Variants in ERCC6 observed in about 807,000 individuals in gnomAD.
The protein encoded by ERCC6 is DNA excision repair protein ERCC-6.
A neutral mutation model predicts 158.7 loss-of-function variants in ERCC6; 116 were observed. That is an observed-to-expected ratio of 0.73 (90% CI 0.63 to 0.85). ERCC6 has a LOEUF of 0.85. Ranked by LOEUF, ERCC6 falls within the 40% of genes least tolerant of loss-of-function variation. The probability of loss-of-function intolerance (pLI) is 0.00; values close to 1 mark genes in which losing one functional copy is unlikely to be tolerated. For missense variants in ERCC6, 1,698 were observed against 1,799.4 expected, an observed-to-expected ratio of 0.94 and a Z score of 1.02; for synonymous variants, 678 against 659.3, an observed-to-expected ratio of 1.03 and a Z score of -0.43.
chr10:49,463,482 G>C (rs1850619586), intron 18 of ERCC6, among the ~76,000 whole-genome samples: 1 of 152,146 alleles, frequency 6.6e-6, no homozygotes, highest in Non-Finnish European at 1.5e-5. Context: ...CAGGATATAT[G>C]AAGTTTTTTT....
At chr10:49,495,042 C>T (rs1279202700) in intron 7 of ERCC6, among the ~76,000 whole-genome samples, 1 of 152,174 alleles carries the variant, frequency 6.6e-6, no homozygotes, top group African/African-American at 2.4e-5. Flanking sequence ...CTGTCTGCAT[C>T]TGCACTCCTC....
At chr10:49,506,288 C>T in intron 5 of ERCC6, 1 of 457,544 alleles carries the variant, frequency 2.2e-6, no homozygotes, top group Non-Finnish European at 3.9e-6. Context: ...CCTCTTCTGG[C>T]ATACCCTAAG....
rs1401286906 is a variant in ERCC6 at position 49,461,456 on chromosome 10, G to T, written c.3879C>A (p.Ala1293=). ...GACGAGAGAGCCTCAGTGCTTTCAG[G>T]GCATCCTGGGCCACTCGGTTGGCTT... The part of the protein sequence containing the change: ...EAEANRVAQD[A]LKALRLSRQR... The change falls in exon 19 of 21, where the codon GCC becomes GCA. Residue 1293 remains alanine (A), a synonymous_variant. Coordinates refer to ENST00000355832, the MANE Select transcript of ERCC6 (RefSeq NM_000124.4). 6.2e-7 allele frequency: 1 copy of T among 1,614,036 alleles called. No individual in the cohort carries two copies. Among genetic ancestry groups the T allele is most frequent in the African/African-American group, 1.3e-5 (1 of 74,918 alleles).
intron 3 of ERCC6, among the ~76,000 whole-genome samples, chr10:49,529,617 G>A (rs916609740): frequency 2.6e-5 from 4 of 152,180 alleles, no homozygotes; most frequent in African/African-American, 4.8e-5. Context: ...ATGGGGTAGT[G>A]CAGGTAACAG....
At chr10:49,515,109 C>T in intron 5 of ERCC6, 1 of 1,059,678 alleles carries the variant, frequency 9.4e-7, no homozygotes, top group East Asian at 3.4e-5. Context: ...AAGAAAACAT[C>T]TTTAACCCAT....
chr10:49,480,284 T>C (rs1316520436), intron 10 of ERCC6, among the ~76,000 whole-genome samples: 1 of 152,166 alleles, frequency 6.6e-6, no homozygotes, highest in East Asian at 1.9e-4. Flanking sequence ...CAGTCCTCAC[T>C]GCCCTGTACT....
rs4253164 is a variant in ERCC6, at chr10:49,483,113, T to G, written c.1992+233A>C. 0.061 allele frequency among the ~76,000 whole-genome samples: 9,358 copies of G among 152,240 alleles called. 379 individuals carry two copies. Among genetic ancestry groups the G allele is most frequent in the Non-Finnish European group, 0.093 (6,328 of 67,994 alleles). The stretch of plus-strand genomic sequence containing the variant: ...AGATTAGAGTTGGGTTTGGTTACAT[T>G]CTAACAACTGGCCCCTACAAGAGAC... On this transcript the variant is annotated intron_variant, in intron 9 of 20. Coordinates refer to ENST00000355832, the MANE Select transcript of ERCC6 (RefSeq NM_000124.4).
At chr10:49,473,878 C>T (rs1850827566) in intron 13 of ERCC6, 149 bp downstream of exon 13, 1 of 801,618 alleles carries the variant, frequency 1.2e-6, no homozygotes, top group Non-Finnish European at 2.1e-6. Flanking sequence ...AGAGAAAGAT[C>T]TAAACTCCCA....
intron 8 of ERCC6, among the ~76,000 whole-genome samples, chr10:49,488,687 T>A (rs1215670571): frequency 1.3e-5 from 2 of 152,138 alleles, no homozygotes; most frequent in Non-Finnish European, 2.9e-5. Flanking sequence ...CTAGCTTTTT[T>A]TAAAGCCACG....
At chr10:49,451,486 T>C (rs2132517318), downstream of ERCC6, among the ~76,000 whole-genome samples, 1 of 152,314 alleles carries the variant, frequency 6.6e-6, no homozygotes, top group South Asian at 2.1e-4. Context: ...ATTTTTATGA[T>C]GAAAGGGTGT....
chr10:49,454,380 GCT>G (rs1850454025), downstream of ERCC6, among the ~76,000 whole-genome samples: 1 of 152,170 alleles, frequency 6.6e-6, no homozygotes, highest in Non-Finnish European at 1.5e-5. Flanking sequence ...GGGAGACGGA[GCT>G]CTGTTTTCTT....
At chr10:49,500,388 T>A (rs1424913942) in intron 7 of ERCC6, 150 bp downstream of exon 7, 2 of 855,254 alleles carry the variant, frequency 2.3e-6, no homozygotes, top group South Asian at 1.5e-5. Context: ...TCTCGTAAAA[T>A]TTTTCCTTTG....
intron 5 of ERCC6, among the ~76,000 whole-genome samples, chr10:49,507,946 C>A (rs1851472354): frequency 1.8e-4 from 1 of 5,508 alleles, no homozygotes; most frequent in Admixed American, 4.0e-3. Context: ...TCCTGATACA[C>A]ATATCTGAAT....
chr10:49,486,547 G>GA (rs1851081716), intron 8 of ERCC6, among the ~76,000 whole-genome samples: 1 of 152,194 alleles, frequency 6.6e-6, no homozygotes, highest in African/African-American at 2.4e-5. Context: ...ATAACAGACT[G>GA]AGATGTACAG....
chr10:49,476,298 G>T lies in ERCC6; in HGVS notation c.2299C>A (p.Arg767Ser). 6.2e-7 allele frequency: 1 copy of T among 1,612,116 alleles called. No individual in the cohort carries two copies. Among genetic ancestry groups the T allele is most frequent in the South Asian group, 1.1e-5 (1 of 90,972 alleles). The part of the protein sequence containing the change: ...PDKNEQVLFC[R>S]LTDEQHKVYQ... ...ACTTTATGCTGCTCATCTGTAAGAC[G>T]GCAAAATAAGACCTACGGACGGGAA... is the stretch of plus-strand genomic sequence containing the variant. The change falls in exon 12 of 21, where the codon CGT (arginine) becomes AGT (serine). Residue 767 changes from arginine (R) to serine (S), a missense_variant. By Grantham distance (110) the Arg-to-Ser change is moderately radical (BLOSUM62 -1). Coordinates refer to ENST00000355832, the MANE Select transcript of ERCC6 (RefSeq NM_000124.4).
intron 19 of ERCC6, among the ~76,000 whole-genome samples, chr10:49,460,886 C>A (rs1358518657): frequency 1.3e-5 from 2 of 151,230 alleles, no homozygotes; most frequent in African/African-American, 4.9e-5. Context: ...GAGACTCCAT[C>A]TCTAAAAAAA....
At chr10:49,528,202 T>C (rs1837384983) in intron 4 of ERCC6, among the ~76,000 whole-genome samples, 1 of 152,244 alleles carries the variant, frequency 6.6e-6, no homozygotes, top group African/African-American at 2.4e-5. Flanking sequence ...AGCAGCCTCC[T>C]ATGAACTGAG....
At chr10:49,478,311 C>T (rs775685925) in intron 11 of ERCC6, 43 bp downstream of exon 11, 2 of 1,247,924 alleles carry the variant, frequency 1.6e-6, no homozygotes, top group Admixed American at 1.7e-5. Flanking sequence ...GAAAGACACA[C>T]TTGTGCTTTA....
chr10:49,472,807 G>A lies in ERCC6; in HGVS notation c.2829+102C>T. 7 of 1,406,288 alleles carry A rather than the reference G, an allele frequency of 5.0e-6. No homozygotes were observed. The South Asian group carries it at 5.2e-5, about 10-fold the overall frequency. The allele number at this position is 1,406,288 out of a possible 1,614,324, so 87.1% of individuals were successfully genotyped here. ...ACAGGAGACAATCAAAATGTGAAACGTATGCTGAAGCCAACCAGAACATCA... is the reference window on the plus strand; with the variant it reads ...ACAGGAGACAATCAAAATGTGAAACATATGCTGAAGCCAACCAGAACATCA... On this transcript the variant is annotated intron_variant, in intron 15 of 20. Transcript: ENST00000355832.
Sources: gnomAD v4.1 joint callset for allele counts (sites outside exome capture counted in the v4.1 genomes callset) on GRCh38, gnomAD v4.1.1 for gene constraint, MANE v1.5 for transcripts, NCBI Gene and HGNC (gene_info 2026-07-23, HGNC 2026-07-21) for gene names.